DCC: variants seen among roughly 807,000 people sequenced by gnomAD.
DCC encodes netrin receptor DCC.
A neutral mutation model predicts 172.5 loss-of-function variants in DCC; 58 were observed. The ratio of observed to expected loss-of-function variants is 0.34; its 90% confidence interval spans 0.27 to 0.42. DCC has a LOEUF of 0.42. DCC is among the 10% of genes least tolerant of loss of function. DCC has a pLI of 1.00. For missense variants in DCC, 1,740 were observed against 1,791.0 expected, an observed-to-expected ratio of 0.97 and a Z score of 0.51; for synonymous variants, 709 against 644.5, an observed-to-expected ratio of 1.10 and a Z score of -1.52.
At chr18:52,719,382 GC>G (rs1219207670) in intron 1 of DCC, among the ~76,000 whole-genome samples, 1 of 152,086 alleles carries the variant, frequency 6.6e-6, no homozygotes, top group Non-Finnish European at 1.5e-5. Context: ...TCCAATAAAT[GC>G]AAAGTGAGTG....
Position 53,033,476 on chromosome 18 carries a change from C to T in DCC, c.986-29829C>T, listed in dbSNP as rs201997447. Reference sequence around the variant, plus strand: ...ATTGATGACTTTGCTTTCCATTTCACTGAGAAAATAGAAGTCATCAGAAGA... The same window carrying T: ...ATTGATGACTTTGCTTTCCATTTCATTGAGAAAATAGAAGTCATCAGAAGA... On this transcript the variant is annotated intron_variant, in intron 5 of 28. Transcript: ENST00000442544. Among the ~76,000 whole-genome samples the T allele has an allele frequency of 1.1e-4, 17 of 152,268 alleles. No homozygotes were observed. In the East Asian group the frequency reaches 2.9e-3, roughly 26 times the overall value.
intron 5 of DCC, among the ~76,000 whole-genome samples, chr18:52,990,824 A>G (rs1255011110): frequency 2.6e-5 from 4 of 152,224 alleles, no homozygotes; most frequent in African/African-American, 9.6e-5. Context: ...CCAGATTCAT[A>G]GCAAAATATT....
At chr18:52,513,664 T>C (rs750217677) in intron 1 of DCC, among the ~76,000 whole-genome samples, 4 of 152,158 alleles carry the variant, frequency 2.6e-5, no homozygotes, top group African/African-American at 4.8e-5. Context: ...CCAAGGTCTT[T>C]TGGCTCTAAA....
intron 1 of DCC, among the ~76,000 whole-genome samples, chr18:52,545,036 A>G (rs2032573530): frequency 6.6e-6 from 1 of 152,328 alleles, no homozygotes; most frequent in East Asian, 1.9e-4. Context: ...TGATAAATGG[A>G]TAAGAAGGAA....
chr18:52,596,671 A>G (rs2033916240), intron 1 of DCC, among the ~76,000 whole-genome samples: 1 of 152,220 alleles, frequency 6.6e-6, no homozygotes, highest in Admixed American at 6.5e-5. Context: ...AAGACAGAAT[A>G]GAACTATTTG....
chr18:52,863,923 A>T (rs1380020069), intron 2 of DCC, among the ~76,000 whole-genome samples: 1 of 152,118 alleles, frequency 6.6e-6, no homozygotes, highest in Non-Finnish European at 1.5e-5. Flanking sequence ...TTATTAAGCT[A>T]ACAATATTAA....
At chr18:52,494,269 T>TGC (rs1407048535) in intron 1 of DCC, among the ~76,000 whole-genome samples, 2 of 93,740 alleles carry the variant, frequency 2.1e-5, no homozygotes, top group African/African-American at 5.9e-5. Flanking sequence ...TTGTGATGTG[T>TGC]GTGTGTGTGT....
chr18:53,486,593 A>G (rs186451511), intron 25 of DCC, among the ~76,000 whole-genome samples: 52 of 152,278 alleles, frequency 3.4e-4, no homozygotes, highest in Non-Finnish European at 6.3e-4. Flanking sequence ...GCAGGGTAAT[A>G]TTTCGTAGTA....
intron 2 of DCC, among the ~76,000 whole-genome samples, chr18:52,791,876 C>A (rs141750113): frequency 6.6e-6 from 1 of 152,138 alleles, no homozygotes; most frequent in Non-Finnish European, 1.5e-5. Flanking sequence ...AAGCAGAATA[C>A]GTGCCTTAAA....
intron 12 of DCC, among the ~76,000 whole-genome samples, chr18:53,260,838 T>C (rs1377164071): frequency 6.6e-6 from 1 of 152,142 alleles, no homozygotes; most frequent in African/African-American, 2.4e-5. Flanking sequence ...CCTTGAACTG[T>C]GGTGGGCTCC....
intron 15 of DCC, among the ~76,000 whole-genome samples, chr18:53,369,977 T>C (rs1183315667): frequency 6.6e-6 from 1 of 151,832 alleles, no homozygotes; most frequent in Non-Finnish European, 1.5e-5. Flanking sequence ...CCTCATAGAA[T>C]GAGTTAGGAA....
intron 7 of DCC, among the ~76,000 whole-genome samples, chr18:53,074,863 G>A (rs2042704170): frequency 1.3e-5 from 2 of 152,086 alleles, no homozygotes; most frequent in African/African-American, 4.8e-5. Flanking sequence ...GAGATTCTTA[G>A]GCAATATTGC....
intron 14 of DCC, among the ~76,000 whole-genome samples, chr18:53,333,134 T>A (rs1246827160): frequency 1.3e-5 from 2 of 150,786 alleles, no homozygotes; most frequent in Non-Finnish European, 2.9e-5. Flanking sequence ...GAATACAAAG[T>A]AGAGTTCAGT....
intron 2 of DCC, among the ~76,000 whole-genome samples, chr18:52,778,707 A>C (rs1020227946): frequency 6.6e-6 from 1 of 152,086 alleles, no homozygotes; most frequent in Non-Finnish European, 1.5e-5. Context: ...TAAAGTCTTT[A>C]GTAGTTTTGT....
intron 16 of DCC, among the ~76,000 whole-genome samples, chr18:53,387,887 G>T (rs1187629501): frequency 6.6e-6 from 1 of 152,128 alleles, no homozygotes; most frequent in East Asian, 1.9e-4. Flanking sequence ...GGACCACTGA[G>T]GTGGCAAATA....
chr18:52,577,072 T>C (rs557880000), intron 1 of DCC, among the ~76,000 whole-genome samples: 1 of 152,340 alleles, frequency 6.6e-6, no homozygotes, highest in South Asian at 2.1e-4. Flanking sequence ...TCTGAACATC[T>C]TCTAGCATGA....
chr18:52,798,608 A>T (rs2037922959), intron 2 of DCC, among the ~76,000 whole-genome samples: 1 of 152,188 alleles, frequency 6.6e-6, no homozygotes, highest in Non-Finnish European at 1.5e-5. Context: ...AATTGGCCAA[A>T]GATTATTTAT....
intron 12 of DCC, among the ~76,000 whole-genome samples, chr18:53,251,483 T>C (rs1281945527): frequency 6.6e-6 from 1 of 151,958 alleles, no homozygotes; most frequent in Non-Finnish European, 1.5e-5. Flanking sequence ...TTTGTGCATT[T>C]ATATGCTAAA....
intron 2 of DCC, among the ~76,000 whole-genome samples, chr18:52,810,863 G>C (rs892385218): frequency 3.9e-5 from 6 of 152,148 alleles, no homozygotes; most frequent in Non-Finnish European, 8.8e-5. Context: ...CTCGGAGGTA[G>C]GGTTTCACTG....
Sources: allele counts gnomAD v4.1 joint callset (sites outside exome capture counted in the v4.1 genomes callset), GRCh38; gene constraint gnomAD v4.1.1; transcripts MANE v1.5; gene names NCBI Gene and HGNC (gene_info 2026-07-23, HGNC 2026-07-21).